OR3A2: variants seen among roughly 807,000 people sequenced by gnomAD.
OR3A2 encodes olfactory receptor family 3 subfamily A member 2, also known as olfactory receptor 3A2.
For missense variants in OR3A2, 318 were observed against 392.8 expected (o/e 0.81, Z 1.61); for synonymous variants, 126 against 159.3 (o/e 0.79, Z 1.57).
exon 2 of OR3A2, chr17:3,277,800 T>G: frequency 1.4e-6 from 1 of 710,528 alleles, no homozygotes; most frequent in East Asian, 2.6e-5. Flanking sequence ...TAAGTATTTG[T>G]TGAATGAATA....
intron 3 of OR3A2, among the ~76,000 whole-genome samples, chr17:3,329,333 T>A (rs2049208435): frequency 6.7e-6 from 1 of 149,762 alleles, no homozygotes; most frequent in African/African-American, 2.5e-5. Flanking sequence ...TGTGAATCCA[T>A]CTGGTCCTGG....
intron 2 of OR3A2, among the ~76,000 whole-genome samples, chr17:3,361,597 C>T (rs1168888368): frequency 6.6e-6 from 1 of 151,712 alleles, no homozygotes; most frequent in African/African-American, 2.4e-5. Flanking sequence ...CCCATCAATA[C>T]CTAATTTATT....
chr17:3,319,150 C>G (rs1354457238), intron 3 of OR3A2, among the ~76,000 whole-genome samples: 1 of 152,044 alleles, frequency 6.6e-6, no homozygotes, highest in Non-Finnish European at 1.5e-5. Context: ...CTAATTAATT[C>G]ATTTATTTAG....
chr17:3,326,572 C>A (rs1032146786), intron 3 of OR3A2, among the ~76,000 whole-genome samples: 11 of 148,234 alleles, frequency 7.4e-5, no homozygotes, highest in Non-Finnish European at 1.3e-4. Flanking sequence ...TTTTATTATA[C>A]TTTAAGTTTT....
chr17:3,310,986 G>C (rs1374498075), intron 3 of OR3A2: 1 of 554,070 alleles, frequency 1.8e-6, no homozygotes, highest in Admixed American at 1.9e-5. Flanking sequence ...CCATGTGGCA[G>C]CTGCAGTCCT....
intron 3 of OR3A2, among the ~76,000 whole-genome samples, chr17:3,306,991 G>A (rs921324823): frequency 2.6e-5 from 4 of 152,202 alleles, no homozygotes; most frequent in African/African-American, 4.8e-5. Context: ...GTGTGTGTGC[G>A]CATTTTGTAC....
chr17:3,348,934 C>T (rs1326031877), intron 2 of OR3A2, among the ~76,000 whole-genome samples: 2 of 152,068 alleles, frequency 1.3e-5, no homozygotes, highest in East Asian at 3.9e-4. Flanking sequence ...CCAAACTAAG[C>T]TTCATAAGTG....
intron 3 of OR3A2, chr17:3,292,613 A>G: frequency 1.3e-6 from 2 of 1,502,732 alleles, no homozygotes; most frequent in South Asian, 1.2e-5. Flanking sequence ...CCAGGGAGGA[A>G]AAGAATCACT....
chr17:3,291,657 G>A (rs2048868038), intron 3 of OR3A2: 1 of 1,601,124 alleles, frequency 6.2e-7, no homozygotes, highest in Non-Finnish European at 8.6e-7. Context: ...CCGCCTCCCT[G>A]TGAGCATCCT....
At chr17:3,337,586 C>T (rs1441344532) in intron 2 of OR3A2, among the ~76,000 whole-genome samples, 1 of 152,132 alleles carries the variant, frequency 6.6e-6, no homozygotes, top group Non-Finnish European at 1.5e-5. Context: ...CATCCATGTC[C>T]TTACAAAGGA....
At chr17:3,292,436 C>T (rs766058905) in intron 3 of OR3A2, 12 of 1,613,856 alleles carry the variant, frequency 7.4e-6, no homozygotes, top group African/African-American at 1.3e-5. Context: ...AGACAGCTGC[C>T]AGGATGCTGA....
chr17:3,287,230 C>T (rs1329578430), upstream of OR3A2, among the ~76,000 whole-genome samples: 1 of 149,918 alleles, frequency 6.7e-6, no homozygotes, highest in Non-Finnish European at 1.5e-5. Flanking sequence ...TCATCATCCA[C>T]CCCCCTCCTA....
chr17:3,297,777 G>A lies in OR3A2; in HGVS notation c.-84-18624C>T, dbSNP rs542735998. 2.0e-4 allele frequency among the ~76,000 whole-genome samples: 30 copies of A among 152,286 alleles called. No homozygotes were observed. The South Asian group carries it at 6.0e-3, about 31-fold the overall frequency. On this transcript the variant is annotated intron_variant, in intron 3 of 4. Transcript: ENST00000573491. Reference sequence around the variant, plus strand: ...GAACTTTGAAAGTATGACCGTAAGAGCAACAATATTTCAGTAAAAGGGAGC... The same window carrying A: ...GAACTTTGAAAGTATGACCGTAAGAACAACAATATTTCAGTAAAAGGGAGC...
intron 3 of OR3A2, among the ~76,000 whole-genome samples, chr17:3,295,353 G>A (rs909669391): frequency 4.6e-5 from 7 of 151,966 alleles, no homozygotes; most frequent in African/African-American, 1.4e-4. Context: ...AAAAGAAACA[G>A]GAATATACTA....
At position 3,336,049 on chromosome 17, in the gene OR3A2, C is replaced by T. The variant is rs995929137; in HGVS notation, c.-101G>A. 6.6e-6 allele frequency: 1 copy of T among 152,354 alleles called. No individual in the cohort carries two copies. Among genetic ancestry groups the T allele is most frequent in the Admixed American group, 6.5e-5 (1 of 15,278 alleles). 9.4% of individuals were successfully genotyped at this position (152,354 alleles called of 1,614,324 possible). A position where few individuals can be genotyped will look rare whatever the true frequency, so the allele number is the denominator to read the frequency against. Reference sequence around the variant, plus strand: ...CTTACAAACCATTCCTGCCGGAACACGCAGAGCCCTCCAGTGGAAGTTTCA... The same window carrying T: ...CTTACAAACCATTCCTGCCGGAACATGCAGAGCCCTCCAGTGGAAGTTTCA... On this transcript the variant is annotated 5_prime_UTR_variant, in exon 3 of 5. In the 5' UTR this introduces an upstream ATG that the reference lacks. Coordinates refer to the OR3A2 transcript ENST00000573491.
chr17:3,288,333 T>C (rs2048834811), upstream of OR3A2, among the ~76,000 whole-genome samples: 1 of 151,278 alleles, frequency 6.6e-6, no homozygotes, highest in South Asian at 2.1e-4. Context: ...TTATGAGCTG[T>C]ATAATGATGT....
At chr17:3,330,304 C>A (rs983063365) in intron 3 of OR3A2, among the ~76,000 whole-genome samples, 45 of 149,950 alleles carry the variant, frequency 3.0e-4, no homozygotes, top group Admixed American at 5.3e-4. Context: ...CTAATGTTGA[C>A]AATGGGGTGT....
At chr17:3,347,401 G>A (rs1389094192) in intron 2 of OR3A2, among the ~76,000 whole-genome samples, 2 of 151,144 alleles carry the variant, frequency 1.3e-5, no homozygotes, top group African/African-American at 4.9e-5. Context: ...CCTCTCCCCC[G>A]GCCCCACAAC....
At chr17:3,314,118 C>A (rs1451103678) in intron 3 of OR3A2, among the ~76,000 whole-genome samples, 1 of 152,156 alleles carries the variant, frequency 6.6e-6, no homozygotes, top group Non-Finnish European at 1.5e-5. Context: ...TATCATTTCT[C>A]CTCAAACAAA....
Sources: allele counts gnomAD v4.1 joint callset (sites outside exome capture counted in the v4.1 genomes callset), GRCh38; gene constraint gnomAD v4.1.1; transcripts MANE v1.5; gene names NCBI Gene and HGNC (gene_info 2026-07-23, HGNC 2026-07-21).